CAMTA1: variants seen among roughly 807,000 people sequenced by gnomAD.
CAMTA1 encodes calmodulin-binding transcription activator 1.
Under a neutral mutation model 170.9 loss-of-function variants are expected in CAMTA1, and 27 were observed. The ratio of observed to expected loss-of-function variants is 0.16; its 90% confidence interval spans 0.12 to 0.22. The LOEUF is 0.22. Ranked by LOEUF, CAMTA1 falls within the 10% of genes least tolerant of loss-of-function variation. CAMTA1 has a pLI of 1.00. For synonymous variants in CAMTA1, 833 were observed against 891.5 expected (o/e 0.93, Z 1.17); for missense variants, 1,619 against 2,217.2 (o/e 0.73, Z 5.42).
intron 4 of CAMTA1, among the ~76,000 whole-genome samples, chr1:7,110,125 G>A (rs1573130722): frequency 6.6e-6 from 1 of 152,118 alleles, no homozygotes; most frequent in African/African-American, 2.4e-5. Flanking sequence ...TGGGCTCCAG[G>A]TGATGGCTTA....
chr1:7,340,669 C>T (rs74898392), intron 5 of CAMTA1, among the ~76,000 whole-genome samples: 1,593 of 151,032 alleles, frequency 0.011, 17 homozygotes, highest in South Asian at 0.024. Flanking sequence ...TCTATTCATG[C>T]ATTCTTTGCT....
chr1:7,163,441 G>A (rs1317290940), intron 4 of CAMTA1, among the ~76,000 whole-genome samples: 1 of 152,166 alleles, frequency 6.6e-6, no homozygotes, highest in Non-Finnish European at 1.5e-5. Context: ...TGGCAGAACA[G>A]AGCAGGCAGC....
chr1:6,894,128 G>A (rs1675152397), intron 3 of CAMTA1, among the ~76,000 whole-genome samples: 3 of 152,200 alleles, frequency 2.0e-5, no homozygotes. Flanking sequence ...TTATTTGAAG[G>A]TTGGTGTGAC....
At chr1:7,465,829 G>T (rs976589850) in intron 5 of CAMTA1, among the ~76,000 whole-genome samples, 37 of 152,284 alleles carry the variant, frequency 2.4e-4, no homozygotes, top group African/African-American at 8.9e-4. Flanking sequence ...CAGACAGGCA[G>T]GCAATCGAGG....
At chr1:7,488,959 A>T (rs2093661595) in intron 6 of CAMTA1, among the ~76,000 whole-genome samples, 2 of 152,124 alleles carry the variant, frequency 1.3e-5, no homozygotes, top group South Asian at 2.1e-4. Context: ...ACACATACAC[A>T]TATACATACA....
At chr1:6,987,925 A>T (rs1000438157) in intron 3 of CAMTA1, among the ~76,000 whole-genome samples, 2 of 152,006 alleles carry the variant, frequency 1.3e-5, no homozygotes, top group African/African-American at 2.4e-5. Context: ...GGCGTCTGTC[A>T]TCTTTGATCT....
At chr1:7,207,967 G>T (rs757865209) in intron 4 of CAMTA1, among the ~76,000 whole-genome samples, 2 of 152,200 alleles carry the variant, frequency 1.3e-5, no homozygotes, top group Non-Finnish European at 2.9e-5. Context: ...ACAGCATATG[G>T]GTAAGAAGTT....
intron 3 of CAMTA1, among the ~76,000 whole-genome samples, chr1:6,899,544 A>G (rs72638533): frequency 0.12 from 12,366 of 102,448 alleles, 496 homozygotes; most frequent in East Asian, 0.2. Flanking sequence ...TATAACGCGC[A>G]CGCGCGCGCG....
chr1:7,672,249 G>A, intron 10 of CAMTA1: 2 of 354,094 alleles, frequency 5.6e-6, no homozygotes, highest in South Asian at 2.1e-5. Context: ...GCTGGCCAGT[G>A]CTAGGCAGGC....
chr1:7,479,861 GC>G (rs1400652493), intron 6 of CAMTA1, among the ~76,000 whole-genome samples: 1 of 152,236 alleles, frequency 6.6e-6, no homozygotes, highest in Non-Finnish European at 1.5e-5. Context: ...TGTGGGTTCA[GC>G]TTCCCTTCAG....
At chr1:6,932,186 TC>T (rs537135540) in intron 3 of CAMTA1, among the ~76,000 whole-genome samples, 44 of 152,220 alleles carry the variant, frequency 2.9e-4, no homozygotes, top group Middle Eastern at 3.4e-3. Context: ...CTCCAGGGCC[TC>T]CCCCCTCCTC....
chr1:7,154,469 C>T (rs887189161), intron 4 of CAMTA1, among the ~76,000 whole-genome samples: 1 of 152,202 alleles, frequency 6.6e-6, no homozygotes, highest in South Asian at 2.1e-4. Context: ...GCCATCACTT[C>T]CCATCTCTGG....
chr1:7,490,513 G>A (rs1160033318), intron 6 of CAMTA1, among the ~76,000 whole-genome samples: 5 of 152,186 alleles, frequency 3.3e-5, no homozygotes, highest in East Asian at 3.9e-4. Context: ...TTAGCCGGGC[G>A]TAGTGGCACG....
chr1:7,740,884 A>G (rs1415181420), intron 16 of CAMTA1, among the ~76,000 whole-genome samples: 3 of 152,234 alleles, frequency 2.0e-5, no homozygotes, highest in African/African-American at 7.2e-5. Flanking sequence ...CCAAATTAAG[A>G]GCATGTGTCT....
In CAMTA1 at chr1:7,667,241, CCCACCACA is replaced by C. The variant is rs1045013414; in HGVS notation, c.2652+2045_2652+2052del. ...TGAGCTCAATGGCACCTTCGGAGTGCCCACCACACCCCCCACCCCACCCCATGAAGGCC... is the reference window on the plus strand; with the variant it reads ...TGAGCTCAATGGCACCTTCGGAGTGCCCCCCCACCCCACCCCATGAAGGCC... On this transcript the variant is annotated intron_variant, in intron 9 of 22. Coordinates refer to ENST00000303635, the MANE Select transcript of CAMTA1 (RefSeq NM_015215.4). Among the ~76,000 whole-genome samples, 16 of 152,152 alleles carry C rather than the reference CCCACCACA, an allele frequency of 1.1e-4. No homozygotes were observed. The South Asian group carries it at 1.7e-3, about 16-fold the overall frequency.
In CAMTA1 at chr1:7,493,637, G is replaced by C. The variant is rs1003914730; in HGVS notation, c.510+25736G>C. Among the ~76,000 whole-genome samples the C allele has an allele frequency of 1.4e-3, 22 of 15,842 alleles. No individual in the cohort carries two copies. The South Asian group carries it at 0.022, about 16-fold the overall frequency. The allele number at this position is 15,842 out of a possible 152,430, so 10.4% of individuals were successfully genotyped here. On this transcript the variant is annotated intron_variant, in intron 6 of 22. Transcript: ENST00000303635. ...TCAAAAGCACAGCATCCATCCCCCA[G>C]GGAACTGGGGGGGGGGGGGGGTCAG... is the stretch of plus-strand genomic sequence containing the variant.
Position 7,568,357 on chromosome 1 carries a change from C to T in CAMTA1, c.511-72043C>T, listed in dbSNP as rs529413083. On this transcript the variant is annotated intron_variant, in intron 6 of 22. Transcript: ENST00000303635. ...AGCATCATCACCACATCACCATCAT[C>T]GACATCACTGTCATCACCACATCAC... Among the ~76,000 whole-genome samples, 101 of 150,992 alleles carry T rather than the reference C, an allele frequency of 6.7e-4. 1 individual carries two copies. Among genetic ancestry groups the T allele is most frequent in the African/African-American group, 2.1e-3 (88 of 41,048 alleles).
At chr1:7,326,554 G>A (rs971353024) in intron 5 of CAMTA1, among the ~76,000 whole-genome samples, 1 of 152,202 alleles carries the variant, frequency 6.6e-6, no homozygotes, top group Non-Finnish European at 1.5e-5. Context: ...GGGAAATTTG[G>A]ACACAGATAC....
At chr1:6,803,193 A>G (rs1644091469) in intron 1 of CAMTA1, among the ~76,000 whole-genome samples, 1 of 152,172 alleles carries the variant, frequency 6.6e-6, no homozygotes, top group Admixed American at 6.5e-5. Flanking sequence ...CAGTTCAGCT[A>G]TTTGGGTGGG....
Sources: allele counts gnomAD v4.1 joint callset (sites outside exome capture counted in the v4.1 genomes callset), GRCh38; gene constraint gnomAD v4.1.1; transcripts MANE v1.5; gene names NCBI Gene and HGNC (gene_info 2026-07-23, HGNC 2026-07-21).